TULP4: variants seen among roughly 807,000 people sequenced by gnomAD.
TULP4 encodes the protein tubby-related protein 4.
A neutral mutation model predicts 129.0 loss-of-function variants in TULP4; 16 were observed. The ratio of observed to expected loss-of-function variants is 0.12; its 90% CI spans 0.08 to 0.19. TULP4 has a LOEUF of 0.19. Ranked by LOEUF, TULP4 falls within the 10% of genes least tolerant of loss-of-function variation. TULP4 has a pLI of 1.00. For missense variants in TULP4, 1,842 were observed against 2,059.1 expected, an observed-to-expected ratio of 0.89 and a Z score of 2.04; for synonymous variants, 998 against 854.0, an observed-to-expected ratio of 1.17 and a Z score of -2.94.
chr6:158,234,200 G>T (rs553151720), intron 1 of TULP4, among the ~76,000 whole-genome samples: 3 of 152,170 alleles, frequency 2.0e-5, no homozygotes, highest in Non-Finnish European at 2.9e-5. Context: ...CTCTAAGAGT[G>T]GCAGTTTGGT....
intron 3 of TULP4, among the ~76,000 whole-genome samples, chr6:158,441,945 G>A (rs537347757): frequency 7.9e-4 from 121 of 152,290 alleles, no homozygotes; most frequent in African/African-American, 2.8e-3. Flanking sequence ...GCCTAATTTT[G>A]TTAAGCTCCA....
chr6:158,420,552 G>A (rs1419092030), intron 2 of TULP4, among the ~76,000 whole-genome samples: 3 of 151,998 alleles, frequency 2.0e-5, no homozygotes, highest in East Asian at 1.9e-4. Flanking sequence ...CGCCATCTCG[G>A]CTCACTGCAA....
chr6:158,236,795 C>CTTTCTTTTTTTTTTTTTTT (rs1777712324), intron 1 of TULP4, among the ~76,000 whole-genome samples: 1 of 63,292 alleles, frequency 1.6e-5, no homozygotes, highest in African/African-American at 7.2e-5. Flanking sequence ...CAATTCTTTT[C>CTTTCTTTTTTTTTTTTTTT]TTTTTTTTTT....
intron 1 of TULP4, among the ~76,000 whole-genome samples, chr6:158,392,275 C>G (rs1777601300): frequency 1.3e-5 from 2 of 151,552 alleles, no homozygotes; most frequent in Non-Finnish European, 2.9e-5. Flanking sequence ...AAGAAGTGCC[C>G]CCATGATTCT....
chr6:158,365,557 A>G (rs1780920008), intron 1 of TULP4, among the ~76,000 whole-genome samples: 1 of 150,874 alleles, frequency 6.6e-6, no homozygotes, highest in Non-Finnish European at 1.5e-5. Flanking sequence ...GCTCACTGCA[A>G]GCTCCGCCTC....
intron 6 of TULP4, among the ~76,000 whole-genome samples, chr6:158,469,452 T>G (rs1434819573): frequency 6.6e-6 from 1 of 152,022 alleles, no homozygotes; most frequent in East Asian, 1.9e-4. Flanking sequence ...TTTGTATTTT[T>G]TGGTAGAGAC....
At chr6:158,474,611 A>C (rs1272778530) in intron 6 of TULP4, among the ~76,000 whole-genome samples, 1 of 152,010 alleles carries the variant, frequency 6.6e-6, no homozygotes, top group African/African-American at 2.4e-5. Flanking sequence ...CTCGCTCAAC[A>C]CTGTTTTTTA....
chr6:158,466,759 A>G (rs1180007253), intron 6 of TULP4, among the ~76,000 whole-genome samples: 1 of 152,234 alleles, frequency 6.6e-6, no homozygotes, highest in Non-Finnish European at 1.5e-5. Flanking sequence ...CAGCTAGTTA[A>G]GGAAGACAGA....
At chr6:158,304,833 A>AT (rs1447060269) in intron 1 of TULP4, among the ~76,000 whole-genome samples, 1 of 151,586 alleles carries the variant, frequency 6.6e-6, no homozygotes, top group African/African-American at 2.4e-5. Flanking sequence ...TGTCTGGCTG[A>AT]TTTTTTTATT....
intron 1 of TULP4, among the ~76,000 whole-genome samples, chr6:158,256,592 A>G (rs1050930963): frequency 6.6e-6 from 1 of 152,188 alleles, no homozygotes; most frequent in East Asian, 1.9e-4. Context: ...AGCATTTCCA[A>G]AAGTTTTCCT....
Position 158,502,955 on chromosome 6 carries a change from T to C in TULP4, c.3292T>C (p.Cys1098Arg), listed in dbSNP as rs372343702. The change falls in exon 13 of 14, where the codon TGT becomes CGT. Residue 1098 changes from cysteine (C) to arginine (R), a missense_variant. By Grantham distance (180) the Cys-to-Arg change is radical (BLOSUM62 -3). Coordinates refer to ENST00000367097, the MANE Select transcript of TULP4 (RefSeq NM_020245.5). ...FTEDEALSQH[C>R]QLEKPLRHPP... The stretch of plus-strand genomic sequence containing the variant: ...GGAGGACGAGGCCCTGTCCCAGCAC[T>C]GTCAGCTTGAGAAGCCCTTGAGGCA... 51 of 1,613,756 alleles carry C rather than the reference T, an allele frequency of 3.2e-5. No homozygotes were observed. The highest frequency in any genetic ancestry group is 4.0e-5 in the Non-Finnish European group (47 of 1,179,924).
At chr6:158,363,830 A>C (rs972474995) in intron 1 of TULP4, among the ~76,000 whole-genome samples, 10 of 151,944 alleles carry the variant, frequency 6.6e-5, no homozygotes, top group African/African-American at 2.4e-4. Context: ...TACAGTTGCC[A>C]TTTGCAAAAT....
At position 158,473,309 on chromosome 6, in the gene TULP4, A is replaced by G. The variant is rs552235047; in HGVS notation, c.1027-6442A>G. Among the ~76,000 whole-genome samples, 47 of 152,340 alleles carry G rather than the reference A, an allele frequency of 3.1e-4. No homozygotes were observed. In the South Asian group the frequency reaches 4.1e-3, roughly 13 times the overall value. ...GCTTTTCCCATTTTTTCTTGTAAGT[A>G]GATGAGAAAGTCCTTCATGGGTCTT... On this transcript the variant is annotated intron_variant, in intron 6 of 13. Coordinates refer to ENST00000367097, the MANE Select transcript of TULP4 (RefSeq NM_020245.5).
At chr6:158,438,455 C>T (rs763614954) in intron 3 of TULP4, among the ~76,000 whole-genome samples, 5 of 152,184 alleles carry the variant, frequency 3.3e-5, no homozygotes, top group Non-Finnish European at 7.3e-5. Context: ...CGGAGAGGCA[C>T]GTGTTCCTGC....
Position 158,370,645 on chromosome 6 carries a change from G to A in TULP4, c.253-42420G>A, listed in dbSNP as rs997732519. Reference sequence around the variant, plus strand: ...ATTTCTTGTTTCTTTTACTTGAGAGGTATTATTAGGGAACATTATTATGAA... The same window carrying A: ...ATTTCTTGTTTCTTTTACTTGAGAGATATTATTAGGGAACATTATTATGAA... On this transcript the variant is annotated intron_variant, in intron 1 of 13. Coordinates refer to ENST00000367097, the MANE Select transcript of TULP4 (RefSeq NM_020245.5). Among the ~76,000 whole-genome samples, 8 of 152,170 alleles carry A rather than the reference G, an allele frequency of 5.3e-5. 1 individual carries two copies. The highest frequency in any genetic ancestry group is 1.4e-4 in the African/African-American group (6 of 41,494).
At chr6:158,258,217 T>C (rs1202606244) in intron 1 of TULP4, among the ~76,000 whole-genome samples, 1 of 152,166 alleles carries the variant, frequency 6.6e-6, no homozygotes, top group African/African-American at 2.4e-5. Flanking sequence ...GAGCCAGGGA[T>C]TGGGCTAGGA....
At chr6:158,480,087 G>A in intron 7 of TULP4, 112 bp downstream of exon 7, 1 of 806,140 alleles carries the variant, frequency 1.2e-6, no homozygotes, top group Non-Finnish European at 2.0e-6. Context: ...GCCATGTGCA[G>A]CTGTGCAGGA....
At position 158,502,195 on chromosome 6, in the gene TULP4, C is replaced by A. The variant is rs202165599; in HGVS notation, c.2532C>A (p.Ala844=). The change falls in exon 13 of 14, where the codon GCC becomes GCA. Residue 844 remains alanine (A), a synonymous_variant. Coordinates refer to ENST00000367097, the MANE Select transcript of TULP4 (RefSeq NM_020245.5). ...CGTACCCAGGAACCATCCCCGCTGCCCCCACCACAGCAGCACCCCCGCCCC... is the reference window on the plus strand; with the variant it reads ...CGTACCCAGGAACCATCCCCGCTGCACCCACCACAGCAGCACCCCCGCCCC... ...PPPYPGTIPA[A]PTTAAPPPPL... The A allele has an allele frequency of 6.5e-7, 1 of 1,527,426 alleles. No homozygotes were observed. The allele number at this position is 1,527,426 out of a possible 1,614,324, so 94.6% of individuals were successfully genotyped here. A position where few individuals can be genotyped will look rare whatever the true frequency, so the allele number is the denominator to read the frequency against.
rs1220550585 is a variant in TULP4, at chr6:158,247,112, T to C, written n.68+14809T>C. 2.0e-5 allele frequency among the ~76,000 whole-genome samples: 3 copies of C among 152,186 alleles called. No individual in the cohort carries two copies. In the East Asian group the frequency reaches 5.8e-4, roughly 29 times the overall value. The stretch of plus-strand genomic sequence containing the variant: ...AAGACTCAATTTAGACTGTAATGGA[T>C]GGGAAAGGATTTGGAAACATGTTAC... On this transcript the variant is annotated intron_variant and non_coding_transcript_variant, in intron 1 of 1. Transcript: ENST00000620026.
Sources: gnomAD v4.1 joint callset for allele counts (sites outside exome capture counted in the v4.1 genomes callset) on GRCh38, gnomAD v4.1.1 for gene constraint, MANE v1.5 for transcripts, NCBI Gene and HGNC (gene_info 2026-07-23, HGNC 2026-07-21) for gene names.